The following U2AF1L4 variants were observed in gnomAD, a reference collection of about 807,000 sequenced individuals.
The protein encoded by U2AF1L4 is splicing factor U2AF 26 kDa subunit.
A neutral mutation model predicts 21.7 loss-of-function variants in U2AF1L4; 21 were observed. That is an observed-to-expected ratio of 0.97 (90% CI 0.69 to 1.39). The LOEUF is 1.39. U2AF1L4 is among the 40% of genes most tolerant of loss of function. The probability of loss-of-function intolerance (pLI) is 0.00; values close to 1 mark genes in which losing one functional copy is unlikely to be tolerated. For missense variants in U2AF1L4, 259 were observed against 245.7 expected (o/e 1.05, Z -0.36); for synonymous variants, 92 against 89.7 (o/e 1.03, Z -0.15).
At chr19:35,743,038 TG>T in intron 5 of U2AF1L4, 1 of 588,382 alleles carries the variant, frequency 1.7e-6, no homozygotes. Flanking sequence ...ACTTAGGTAC[TG>T]GTCTCCAGAT....
Position 35,742,708 on chromosome 19 carries a change from G to T in U2AF1L4, c.*11C>A. ...TCCCTGTTGGGGGTGAAGGGTAAGGGGGCCAGGGCCTCAGAAGCGGCCATG... is the reference window on the plus strand; with the variant it reads ...TCCCTGTTGGGGGTGAAGGGTAAGGTGGCCAGGGCCTCAGAAGCGGCCATG... On this transcript the variant is annotated 3_prime_UTR_variant, in exon 6 of 6. Transcript: ENST00000378975. 2 of 1,610,792 alleles carry T rather than the reference G, an allele frequency of 1.2e-6. No homozygotes were observed. The highest frequency in any genetic ancestry group is 1.7e-6 in the Non-Finnish European group (2 of 1,179,312).
intron 2 of U2AF1L4, chr19:35,744,757 A>T: frequency 6.6e-7 from 1 of 1,526,434 alleles, no homozygotes; most frequent in Non-Finnish European, 8.8e-7. Context: ...ACAGAGAGTG[A>T]GGCATGAAGG....
intron 4 of U2AF1L4, 51 bp from the exon 5 acceptor site, chr19:35,743,955 A>G: frequency 6.2e-7 from 1 of 1,609,356 alleles, no homozygotes; most frequent in Non-Finnish European, 8.5e-7. Context: ...GACAGCCCCT[A>G]CCACGCATTC....
At chr19:35,743,180 C>T in intron 5 of U2AF1L4, 1 of 304,500 alleles carries the variant, frequency 3.3e-6, no homozygotes, top group Non-Finnish European at 6.2e-6. Context: ...CGAGACCAGG[C>T]TGGCCAACGT....
In U2AF1L4 at chr19:35,745,416, G is replaced by A. The variant is rs542367419; in HGVS notation, c.-25C>T. On this transcript the variant is annotated 5_prime_UTR_variant, in exon 1 of 6. Transcript: ENST00000378975. ...TTTTTACCCAAGCCCTCCAGGTCTG[G>A]CTGCTCTTACGTCACTTCCGTTGCT... is the stretch of plus-strand genomic sequence containing the variant. The A allele has an allele frequency of 1.9e-6, 3 of 1,614,178 alleles. No homozygotes were observed. The East Asian group carries it at 6.7e-5, about 36-fold the overall frequency.
intron 5 of U2AF1L4, chr19:35,743,399 A>C (rs867655048): frequency 6.9e-5 from 15 of 217,112 alleles, no homozygotes; most frequent in African/African-American, 3.2e-4. Context: ...AAAAAAAAAA[A>C]AAAACAGTCA....
chr19:35,744,099 T>C lies in U2AF1L4; in HGVS notation c.278A>G (p.Asn93Ser), dbSNP rs779621887. 1 of 1,613,974 alleles carries C rather than the reference T, an allele frequency of 6.2e-7. No homozygotes were observed. Among genetic ancestry groups the C allele is most frequent in the African/African-American group, 1.3e-5 (1 of 75,024 alleles). ...CACAGCCTGCCCGTTGAACCAGCGGTTACTGAGTTCAGCCACGGCCCGCTC... is the reference window on the plus strand; with the variant it reads ...CACAGCCTGCCCGTTGAACCAGCGGCTACTGAGTTCAGCCACGGCCCGCTC... ...DGERAVAELS[N>S]RWFNGQAVHG... The change falls in exon 4 of 6, where the codon AAC (asparagine) becomes AGC (serine). Residue 93 changes from asparagine (N) to serine (S), a missense_variant. By Grantham distance (46) the Asn-to-Ser change is conservative. Transcript: ENST00000378975.
At chr19:35,742,479 CGT>C (rs1970300900), downstream of U2AF1L4, 4 of 1,558,976 alleles carry the variant, frequency 2.6e-6, no homozygotes, top group Non-Finnish European at 3.5e-6. Flanking sequence ...TTCCCCTTTT[CGT>C]CACATGTGTG....
intron 3 of U2AF1L4, 29 bp from the exon 4 acceptor site, chr19:35,744,174 G>A (rs752768915): frequency 7.7e-5 from 124 of 1,611,428 alleles, no homozygotes; most frequent in Non-Finnish European, 9.6e-5. Flanking sequence ...AGGGTCAGCA[G>A]GAGAACTCAG....
In U2AF1L4 at chr19:35,744,337, T is replaced by G; in HGVS notation, c.217A>C (p.Asn73His). 1 of 1,614,138 alleles carries G rather than the reference T, an allele frequency of 6.2e-7. No individual in the cohort carries two copies. Among genetic ancestry groups the G allele is most frequent in the South Asian group, 1.1e-5 (1 of 91,090 alleles). The change falls in exon 3 of 6, where the codon AAC (asparagine) becomes CAC (histidine). Residue 73 changes from asparagine to histidine, a missense_variant. Asn to His is a moderately conservative substitution (Grantham distance 68). Coordinates refer to ENST00000378975, the MANE Select transcript of U2AF1L4 (RefSeq NM_001040425.3). Reference sequence around the variant, plus strand: ...GCAGCAAGCACCTTGACATAGACGTTGCCCACGAGGTGGTCCCCAAGGTTG... The same window carrying G: ...GCAGCAAGCACCTTGACATAGACGTGGCCCACGAGGTGGTCCCCAAGGTTG... ...CDNLGDHLVG[N>H]VYVKFRREED... is the part of the protein sequence containing the mutation.
At chr19:35,745,082 G>A in intron 2 of U2AF1L4, 43 bp downstream of exon 2, 3 of 1,585,958 alleles carry the variant, frequency 1.9e-6, no homozygotes, top group South Asian at 1.1e-5. Flanking sequence ...AAGGGGAAGG[G>A]CCAGGGAGCC....
intron 4 of U2AF1L4, 41 bp from the exon 5 acceptor site, chr19:35,743,945 G>C: frequency 6.2e-7 from 1 of 1,609,370 alleles, no homozygotes; most frequent in East Asian, 2.2e-5. Context: ...CATTGTCACT[G>C]ACAGCCCCTA....
rs1169784384 is a variant in U2AF1L4, at chr19:35,742,781, C to G, written c.484G>C (p.Gly162Arg). 1 of 1,610,542 alleles carries G rather than the reference C, an allele frequency of 6.2e-7. No homozygotes were observed. The highest frequency in any genetic ancestry group is 2.2e-5 in the East Asian group (1 of 44,864). The change falls in exon 6 of 6, where the codon GGC (glycine) becomes CGC (arginine). Residue 162 changes from glycine (G) to arginine (R), a missense_variant. Transcript: ENST00000378975. ...TGGTTCCTCTCTCGGGGATGGTGGC[C>G]AGTATGGAACCTCGGGGGTGACCTG... The part of the protein sequence containing the change: ...RRRSPPRFHT[G>R]HHPRERNHRC...
At chr19:35,743,046 A>C (rs1970342624) in intron 5 of U2AF1L4, 4 of 581,776 alleles carry the variant, frequency 6.9e-6, no homozygotes, top group Non-Finnish European at 1.2e-5. Flanking sequence ...ACTGGTCTCC[A>C]GATGGAGCTC....
At chr19:35,742,954 C>T (rs1970337671) in intron 5 of U2AF1L4, 151 bp from the exon 6 acceptor site, 1 of 744,378 alleles carries the variant, frequency 1.3e-6, no homozygotes, top group African/African-American at 1.8e-5. Flanking sequence ...ATCAGGGGAA[C>T]TCAGTGGCCA....
Position 35,745,383 on chromosome 19 carries a change from T to G in U2AF1L4, c.9A>C (p.Glu3Asp). ...CAGTCCCGAATATCGAAGCTAAATA[T>G]TCAGCCATTTTTACCCAAGCCCTCC... MA[E>D]YLASIFGTEK... The change falls in exon 1 of 6, where the codon GAA becomes GAC. Residue 3 changes from glutamate to aspartate, a missense_variant. Transcript: ENST00000378975. The G allele has an allele frequency of 1.2e-6, 2 of 1,613,866 alleles. No homozygotes were observed. Among genetic ancestry groups the G allele is most frequent in the East Asian group, 2.2e-5 (1 of 44,830 alleles).
intron 2 of U2AF1L4, 166 bp downstream of exon 2, chr19:35,744,959 G>A (rs1970498780): frequency 2.6e-6 from 2 of 768,438 alleles, no homozygotes; most frequent in Non-Finnish European, 4.1e-6. Context: ...CGGGAAAACG[G>A]CACGAAGACC....
At position 35,742,561 on chromosome 19, in the gene U2AF1L4, A is replaced by G. The variant is rs372991108; in HGVS notation, c.*158T>C. 5.0e-5 allele frequency: 81 copies of G among 1,613,424 alleles called. No homozygotes were observed. The highest frequency in any genetic ancestry group is 1.1e-4 in the South Asian group (10 of 91,084). ...AAGTGAAACACGCAGCTTTATTAAG[A>G]CAGGGGCGGTAGAAGAAGGTCTCCA... On this transcript the variant is annotated 3_prime_UTR_variant, in exon 6 of 6. Coordinates refer to ENST00000378975, the MANE Select transcript of U2AF1L4 (RefSeq NM_001040425.3).
intron 2 of U2AF1L4, 106 bp downstream of exon 2, chr19:35,745,019 G>T: frequency 8.9e-7 from 1 of 1,124,912 alleles, no homozygotes; most frequent in Non-Finnish European, 1.3e-6. Flanking sequence ...GCCGGGCGGT[G>T]GGGAGGGACT....
Sources: allele counts gnomAD v4.1 joint callset, GRCh38; gene constraint gnomAD v4.1.1; transcripts MANE v1.5; gene names NCBI Gene and HGNC (gene_info 2026-07-23, HGNC 2026-07-21).